SLC9A7: variants seen among roughly 807,000 people sequenced by gnomAD.
SLC9A7 encodes sodium/hydrogen exchanger 7.
In SLC9A7, 19 loss-of-function variants were observed where a neutral mutation model predicts 52.6. The ratio of observed to expected loss-of-function variants is 0.36; its 90% CI spans 0.25 to 0.53. The LOEUF (loss-of-function observed/expected upper bound fraction) is 0.53, where lower values mean the gene tolerates loss of function less well. SLC9A7 is among the 20% of genes least tolerant of loss of function. The pLI is 0.91. For synonymous variants in SLC9A7, 226 were observed against 252.1 expected, an observed-to-expected ratio of 0.90 and a Z score of 0.98; for missense variants, 455 against 597.9, an observed-to-expected ratio of 0.76 and a Z score of 2.49.
intron 11 of SLC9A7, chrX:46,646,517 CAT>C (rs1183345885): frequency 5.5e-6 from 1 of 180,341 alleles, no homozygotes; most frequent in Non-Finnish European, 1.1e-5. Context: ...GTCAGTGTGA[CAT>C]GTGTAGTGGG....
At chrX:46,633,358 A>AAAAAAAG (rs1943257030) in intron 13 of SLC9A7, among the ~76,000 whole-genome samples, 1 of 91,771 alleles carries the variant, frequency 1.1e-5, no homozygotes, top group Non-Finnish European at 2.2e-5. Context: ...AAAAAAAAAA[A>AAAAAAAG]AAAAAAAAAA....
At chrX:46,668,985 G>A (rs1236197451) in intron 5 of SLC9A7, among the ~76,000 whole-genome samples, 1 of 109,954 alleles carries the variant, frequency 9.1e-6, no homozygotes, top group East Asian at 2.9e-4. Flanking sequence ...GGCTAACACG[G>A]TGAAACCCTG....
At chrX:46,726,150 G>A (rs1944942161) in intron 1 of SLC9A7, among the ~76,000 whole-genome samples, 2 of 110,915 alleles carry the variant, frequency 1.8e-5, no homozygotes, top group African/African-American at 6.5e-5. Context: ...CACTTTGGGA[G>A]GCCGAAGTTG....
intron 11 of SLC9A7, among the ~76,000 whole-genome samples, chrX:46,643,598 T>C (rs1943441440): frequency 8.9e-6 from 1 of 112,016 alleles, no homozygotes; most frequent in Non-Finnish European, 1.9e-5. Flanking sequence ...TGAAAAAGCA[T>C]TGTACTGCTT....
Position 46,624,305 on chromosome X carries a change from G to A in SLC9A7, c.1741-3246C>T, listed in dbSNP as rs1022728974. On this transcript the variant is annotated intron_variant, in intron 14 of 16. Transcript: ENST00000616978. ...ACTTGCAACTGGTGTCTGAAGTGGG[G>A]ACAGTCTTGTGGGACTGAGTCCTTA... 8.0e-5 allele frequency among the ~76,000 whole-genome samples: 9 copies of A among 112,022 alleles called. No homozygotes were observed. The East Asian group carries it at 1.7e-3, about 21-fold the overall frequency.
chrX:46,713,330 T>A (rs1944719278), intron 1 of SLC9A7, among the ~76,000 whole-genome samples: 1 of 107,733 alleles, frequency 9.3e-6, no homozygotes, highest in Non-Finnish European at 1.9e-5. Context: ...TGAAACCCTG[T>A]CTCTACTAAA....
At chrX:46,706,573 C>A (rs1443950877) in intron 1 of SLC9A7, among the ~76,000 whole-genome samples, 3 of 110,533 alleles carry the variant, frequency 2.7e-5, no homozygotes, top group Non-Finnish European at 5.7e-5. Flanking sequence ...TACATCTAAA[C>A]CTCTGCTTGC....
At chrX:46,754,501 A>G (rs782033392) in intron 1 of SLC9A7, among the ~76,000 whole-genome samples, 40 of 111,513 alleles carry the variant, frequency 3.6e-4, no homozygotes, top group African/African-American at 1.2e-3. Flanking sequence ...ATGGTTCCAA[A>G]ATGTTTGCTT....
Position 46,648,775 on chromosome X carries a change from G to C in SLC9A7, c.1373C>G (p.Ala458Gly). ...GAAGGAGAGCGGGTAGATGTGCGCG[G>C]CTCTGCCCAGGAAGATGGCAACCTG... The part of the protein sequence containing the change: ...GAFVAIFLGR[A>G]AHIYPLSFFL... Residue 458 changes from alanine (A) to glycine (G), a missense_variant, in exon 11 of 17, where the codon GCC becomes GGC. By Grantham distance (60) the Ala-to-Gly change is moderately conservative. Transcript: ENST00000616978. 8 of 1,209,887 alleles carry C rather than the reference G, an allele frequency of 6.6e-6. No homozygotes were observed. The highest frequency in any genetic ancestry group is 8.9e-6 in the Non-Finnish European group (8 of 894,019).
chrX:46,735,990 T>C (rs1945115607), intron 1 of SLC9A7, among the ~76,000 whole-genome samples: 1 of 111,856 alleles, frequency 8.9e-6, no homozygotes, highest in Non-Finnish European at 1.9e-5. Context: ...GGTATTTATC[T>C]TGCTTGGTGT....
At chrX:46,690,171 A>G (rs1453235796) in intron 1 of SLC9A7, among the ~76,000 whole-genome samples, 1 of 111,753 alleles carries the variant, frequency 8.9e-6, no homozygotes, top group Non-Finnish European at 1.9e-5. Context: ...GCCCAACTAT[A>G]CCATTTTTTA....
At chrX:46,647,251 G>A (rs1943508601) in intron 11 of SLC9A7, 1 of 186,579 alleles carries the variant, frequency 5.4e-6, no homozygotes, top group African/African-American at 2.9e-5. Flanking sequence ...GCTCAGGGCG[G>A]TGTCCTTCCA....
intron 1 of SLC9A7, among the ~76,000 whole-genome samples, chrX:46,698,456 C>T (rs1258149349): frequency 8.9e-6 from 1 of 112,150 alleles, no homozygotes; most frequent in Admixed American, 9.5e-5. Flanking sequence ...GTTAGCCATT[C>T]CACAGTGTAT....
chrX:46,755,828 A>G (rs1922624934), intron 1 of SLC9A7, among the ~76,000 whole-genome samples: 1 of 106,749 alleles, frequency 9.4e-6, no homozygotes, highest in Non-Finnish European at 1.9e-5. Flanking sequence ...TCTTGGAAAA[A>G]AAAAAAAAAA....
chrX:46,738,031 A>AAG (rs1945150741), intron 1 of SLC9A7, among the ~76,000 whole-genome samples: 1 of 70,393 alleles, frequency 1.4e-5, no homozygotes, highest in African/African-American at 6.5e-5. Flanking sequence ...TGTCTCAAAA[A>AAG]AAAGAAAGAA....
chrX:46,756,254 C>T (rs1321465446), intron 1 of SLC9A7, among the ~76,000 whole-genome samples: 1 of 111,116 alleles, frequency 9.0e-6, no homozygotes, highest in Non-Finnish European at 1.9e-5. Context: ...TTTGTCGTTC[C>T]TTATTCAGAG....
At chrX:46,626,086 C>A (rs1379710674) in intron 14 of SLC9A7, among the ~76,000 whole-genome samples, 1 of 111,670 alleles carries the variant, frequency 9.0e-6, no homozygotes, top group East Asian at 2.8e-4. Context: ...ACAGGCAGAT[C>A]ACTTGAGCCA....
rs375458346 is a variant in SLC9A7 at position 46,648,815 on chromosome X, G to A, written c.1351-18C>T. The stretch of plus-strand genomic sequence containing the variant: ...ATGGCAACCTGACCACAAGGTAGAA[G>A]GTTAAGGGACCAACAGTTTCCAGAA... On this transcript the variant is annotated intron_variant, in intron 10 of 16. Transcript: ENST00000616978. 3.2e-5 allele frequency: 36 copies of A among 1,126,692 alleles called. No homozygotes were observed. The African/African-American group carries it at 6.5e-4, about 20-fold the overall frequency. The allele number at this position is 1,126,692 out of a possible 1,213,427, so 92.9% of individuals were successfully genotyped here.
intron 5 of SLC9A7, among the ~76,000 whole-genome samples, chrX:46,668,295 A>G (rs1943954459): frequency 9.0e-6 from 1 of 111,335 alleles, no homozygotes; most frequent in Non-Finnish European, 1.9e-5. Flanking sequence ...GGATCACCTG[A>G]GGTTGGGAGT....
Sources: gnomAD v4.1 joint callset for allele counts (sites outside exome capture counted in the v4.1 genomes callset) on GRCh38, gnomAD v4.1.1 for gene constraint, MANE v1.5 for transcripts, NCBI Gene and HGNC (gene_info 2026-07-23, HGNC 2026-07-21) for gene names.